The following CA12 variants were observed in gnomAD, a reference collection of about 807,000 sequenced individuals.
The protein encoded by CA12 is carbonic anhydrase 12.
Under a neutral mutation model 46.8 loss-of-function variants are expected in CA12, and 36 were observed. That is an observed-to-expected ratio of 0.77 (90% CI 0.59 to 1.02). CA12 has a LOEUF of 1.02. Ranked by LOEUF, CA12 falls within the 50% of genes least tolerant of loss-of-function variation. The pLI is 0.00. For missense variants in CA12, 436 were observed against 451.4 expected (o/e 0.97, Z 0.31); for synonymous variants, 202 against 187.0 (o/e 1.08, Z -0.65).
chr15:63,374,780 G>A lies in CA12; in HGVS notation c.106+878C>T, dbSNP rs1042986344. Among the ~76,000 whole-genome samples the A allele has an allele frequency of 1.3e-5, 2 of 152,180 alleles. No homozygotes were observed. Among genetic ancestry groups the A allele is most frequent in the Admixed American group, 1.3e-4 (2 of 15,280 alleles). ...CCGCCTGTCCCCGCCCACAGCCATT[G>A]CATCCTGTGGCTTTAACTTTGGCCA... On this transcript the variant is annotated intron_variant, in intron 2 of 10. Transcript: ENST00000178638. The surrounding 1 kb of genome is among the most constrained non-coding windows in gnomAD (Gnocchi z 4.4).
rs2038806261 is a variant in CA12, at chr15:63,322,647, C to T, written c.*3638G>A. 6.6e-6 allele frequency: 1 copy of T among 152,206 alleles called. No homozygotes were observed. The highest frequency in any genetic ancestry group is 1.5e-5 in the Non-Finnish European group (1 of 68,050). 9.4% of individuals were successfully genotyped at this position (152,206 alleles called of 1,614,324 possible). On this transcript the variant is annotated 3_prime_UTR_variant, in exon 11 of 11. Transcript: ENST00000178638. The surrounding 1 kb of genome is among the most constrained non-coding windows in gnomAD (Gnocchi z 4.1). ...GTGGAATTCAGGGAGATGAGAGATG[C>T]TCATTTCCTGCTCCAGGAGTGCTCT...
chr15:63,364,307 G>A (rs1005893786), intron 2 of CA12, among the ~76,000 whole-genome samples: 2 of 98,632 alleles, frequency 2.0e-5, no homozygotes, highest in African/African-American at 8.0e-5. Context: ...GGGCAACACA[G>A]TGAAACAGTG....
rs1250889173 is a variant in CA12, at chr15:63,331,566, C to CA, written c.875-3437dup. On this transcript the variant is annotated intron_variant, in intron 8 of 10. Transcript: ENST00000178638. This position sits in a 1 kb window ranked among gnomAD's most constrained non-coding sequence, Gnocchi z 5.3. ...TCTGGGGCTGGCTGGTAAGAGGGTG[C>CA]ACACCATGAGGACGTGGGAGAGCCG... is the stretch of plus-strand genomic sequence containing the variant. 6.6e-6 allele frequency: 1 copy of CA among 152,192 alleles called. No individual in the cohort carries two copies. Among genetic ancestry groups the CA allele is most frequent in the Non-Finnish European group, 1.5e-5 (1 of 68,062 alleles). The allele number at this position is 152,192 out of a possible 1,614,324, so 9.4% of individuals were successfully genotyped here. A position where few individuals can be genotyped will look rare whatever the true frequency, so the allele number is the denominator to read the frequency against.
At chr15:63,359,107 T>C (rs2039328521) in intron 2 of CA12, among the ~76,000 whole-genome samples, 1 of 152,118 alleles carries the variant, frequency 6.6e-6, no homozygotes, top group South Asian at 2.1e-4. Flanking sequence ...GGGGTGAAGC[T>C]GTCCCCTCCC....
rs1029386575 is a variant in CA12 at position 63,348,732 on chromosome 15, G to A, written c.107-2023C>T. Among the ~76,000 whole-genome samples the A allele has an allele frequency of 1.3e-5, 2 of 152,198 alleles. No individual in the cohort carries two copies. The highest frequency in any genetic ancestry group is 2.4e-5 in the African/African-American group (1 of 41,452). On this transcript the variant is annotated intron_variant, in intron 2 of 10. Transcript: ENST00000178638. The surrounding 1 kb of genome is among the most constrained non-coding windows in gnomAD (Gnocchi z 4.6). ...GAGGTTCAAAAAGGTTTCATCAAGA[G>A]GGCATTTTACTGATAGCTAAACGAG...
chr15:63,326,395 AGAGC>A (rs750976394), intron 10 of CA12, 38 bp from the exon 11 acceptor site: 2 of 1,546,636 alleles, frequency 1.3e-6, no homozygotes, highest in South Asian at 2.2e-5. Flanking sequence ...GTTAGAGAGG[AGAGC>A]GAGCGAGCCA....
rs2038838696 is a variant in CA12 at position 63,324,404 on chromosome 15, C to A, written c.*1881G>T. 1 of 152,218 alleles carries A rather than the reference C, an allele frequency of 6.6e-6. No individual in the cohort carries two copies. 9.4% of individuals were successfully genotyped at this position (152,218 alleles called of 1,614,324 possible). A position where few individuals can be genotyped will look rare whatever the true frequency, so the allele number is the denominator to read the frequency against. On this transcript the variant is annotated 3_prime_UTR_variant, in exon 11 of 11. Coordinates refer to ENST00000178638, the MANE Select transcript of CA12 (RefSeq NM_001218.5). The stretch of plus-strand genomic sequence containing the variant: ...GTCCTTTATGTTCATTTCTGATTGA[C>A]AATTTTGGACCAAGGCCAAGAGGCC...
Position 63,370,597 on chromosome 15 carries a change from A to C in CA12, c.106+5061T>G, listed in dbSNP as rs1467199111. ...AGACCAGCCTGGTCAACATGGTGAA[A>C]CCCCGTCTCTATTAAAAATACAAAG... On this transcript the variant is annotated intron_variant, in intron 2 of 10. Transcript: ENST00000178638. Among the ~76,000 whole-genome samples, 3 of 151,870 alleles carry C rather than the reference A, an allele frequency of 2.0e-5. No homozygotes were observed. In the East Asian group the frequency reaches 5.8e-4, roughly 29 times the overall value.
At chr15:63,335,203 A>C (rs1595776734) in intron 8 of CA12, among the ~76,000 whole-genome samples, 2 of 151,912 alleles carry the variant, frequency 1.3e-5, no homozygotes, top group African/African-American at 2.4e-5. Context: ...CACACAGGAC[A>C]CCCCCCACTG....
chr15:63,358,916 G>A (rs1426507212), intron 2 of CA12, among the ~76,000 whole-genome samples: 1 of 152,076 alleles, frequency 6.6e-6, no homozygotes, highest in East Asian at 1.9e-4. Flanking sequence ...CCTTGACCCT[G>A]GTGGCACTAA....
At chr15:63,350,319 C>T (rs1013955263) in intron 2 of CA12, among the ~76,000 whole-genome samples, 3 of 152,198 alleles carry the variant, frequency 2.0e-5, no homozygotes, top group South Asian at 2.1e-4. Flanking sequence ...TTATGCTGGC[C>T]GCTACACCCT....
At chr15:63,349,921 C>T (rs1047766368) in intron 2 of CA12, among the ~76,000 whole-genome samples, 3 of 152,164 alleles carry the variant, frequency 2.0e-5, no homozygotes, top group African/African-American at 7.2e-5. Context: ...ACCTTAATTC[C>T]CTCATGTATT....
At chr15:63,360,652 C>A (rs114022654) in intron 2 of CA12, among the ~76,000 whole-genome samples, 1,721 of 152,296 alleles carry the variant, frequency 0.011, 37 homozygotes, top group African/African-American at 0.036. Flanking sequence ...AAACACTCAC[C>A]ACCCATGCAC....
At chr15:63,362,487 C>G (rs957109137) in intron 2 of CA12, among the ~76,000 whole-genome samples, 5 of 152,134 alleles carry the variant, frequency 3.3e-5, no homozygotes, top group African/African-American at 1.2e-4. Context: ...TGAGACGTGA[C>G]CAGCAGATAA....
intron 2 of CA12, among the ~76,000 whole-genome samples, chr15:63,361,063 C>T (rs2039356553): frequency 6.6e-6 from 1 of 152,148 alleles, no homozygotes; most frequent in Non-Finnish European, 1.5e-5. Context: ...TAGCATGGGG[C>T]CAGGGGTGGG....
chr15:63,355,349 T>C lies in CA12; in HGVS notation c.107-8640A>G, dbSNP rs1251555249. Among the ~76,000 whole-genome samples, 3 of 152,204 alleles carry C rather than the reference T, an allele frequency of 2.0e-5. No individual in the cohort carries two copies. The highest frequency in any genetic ancestry group is 4.8e-5 in the African/African-American group (2 of 41,446). Reference sequence around the variant, plus strand: ...AGCAGCCACACTGATCAAAGCAATATTGTCTGCCTTTCCACCCCAGTAGTC... The same window carrying C: ...AGCAGCCACACTGATCAAAGCAATACTGTCTGCCTTTCCACCCCAGTAGTC... On this transcript the variant is annotated intron_variant, in intron 2 of 10. Transcript: ENST00000178638. This position sits in a 1 kb window ranked among gnomAD's most constrained non-coding sequence, Gnocchi z 4.1.
chr15:63,362,953 C>T (rs1212788611), intron 2 of CA12, among the ~76,000 whole-genome samples: 1 of 152,184 alleles, frequency 6.6e-6, no homozygotes, highest in Non-Finnish European at 1.5e-5. Flanking sequence ...CTGCCACCGA[C>T]TAGCTATGTG....
intron 1 of CA12, 109 bp downstream of exon 1, chr15:63,381,527 C>T: frequency 5.4e-6 from 5 of 930,726 alleles, no homozygotes; most frequent in Non-Finnish European, 6.9e-6. Context: ...TGGTACTACA[C>T]CTTCCCTGCT....
chr15:63,370,786 AAAAAAAG>A (rs919060915), intron 2 of CA12, among the ~76,000 whole-genome samples: 1 of 152,090 alleles, frequency 6.6e-6, no homozygotes, highest in Non-Finnish European at 1.5e-5. Flanking sequence ...AAAAAAAAGA[AAAAAAAG>A]AAAAAAGAAA....
Sources: allele counts gnomAD v4.1 joint callset (sites outside exome capture counted in the v4.1 genomes callset), GRCh38; gene constraint gnomAD v4.1.1; non-coding constraint Gnocchi (gnomAD v3.1); transcripts MANE v1.5; gene names NCBI Gene and HGNC (gene_info 2026-07-23, HGNC 2026-07-21).